Variants in CENPC observed in about 807,000 individuals in gnomAD.
CENPC encodes centromere protein C, also known as CENP-C 1.
A neutral mutation model predicts 112.1 loss-of-function variants in CENPC; 63 were observed. The observed-to-expected ratio is 0.56, with a 90% CI of 0.46 to 0.69. The LOEUF (loss-of-function observed/expected upper bound fraction) is 0.69. Among genes scored for constraint, CENPC ranks in the 30% least tolerant of loss-of-function variants. The probability of loss-of-function intolerance (pLI) is 0.00; values close to 1 mark genes in which losing one functional copy is unlikely to be tolerated. For missense variants in CENPC, 1,000 were observed against 1,103.8 expected (o/e 0.91, Z 1.33); for synonymous variants, 333 against 367.6 (o/e 0.91, Z 1.08).
intron 7 of CENPC, among the ~76,000 whole-genome samples, chr4:67,517,891 TCA>T (rs901406350): frequency 2.0e-5 from 3 of 152,124 alleles, no homozygotes; most frequent in Non-Finnish European, 4.4e-5. Flanking sequence ...GTCTTTGATA[TCA>T]CACAGACAAA....
At chr4:67,503,069 C>A (rs1725635874) in intron 12 of CENPC, among the ~76,000 whole-genome samples, 1 of 152,136 alleles carries the variant, frequency 6.6e-6, no homozygotes, top group Non-Finnish European at 1.5e-5. Context: ...TAATACAGGT[C>A]AAGTCATGTC....
At chr4:67,520,803 G>A (rs901824431) in intron 5 of CENPC, among the ~76,000 whole-genome samples, 14 of 152,128 alleles carry the variant, frequency 9.2e-5, no homozygotes, top group African/African-American at 3.1e-4. Flanking sequence ...CTGGAGGCCA[G>A]GAGTTCAAGA....
At chr4:67,509,243 C>T in intron 9 of CENPC, 138 bp from the exon 10 acceptor site, 1 of 564,732 alleles carries the variant, frequency 1.8e-6, no homozygotes, top group Non-Finnish European at 3.1e-6. Flanking sequence ...CACACACACA[C>T]ACACACACAC....
chr4:67,508,493 C>G (rs1038190071), intron 10 of CENPC, among the ~76,000 whole-genome samples: 3 of 94,334 alleles, frequency 3.2e-5, no homozygotes, highest in African/African-American at 1.3e-4. Context: ...GCCTGGGAAA[C>G]AGAGGAAGAC....
rs940529980 is a variant in CENPC, at chr4:67,518,384, G to A, written c.618-16C>T. ...AAAGTTTAACCTAAAAGGTTAAAAG[G>A]AGGGTAAGCTGAATGCTCCCGTAAC... On this transcript the variant is annotated splice_polypyrimidine_tract_variant and intron_variant, in intron 6 of 18. Coordinates refer to ENST00000273853, the MANE Select transcript of CENPC (RefSeq NM_001812.4). 9 of 1,507,908 alleles carry A rather than the reference G, an allele frequency of 6.0e-6. No homozygotes were observed. The highest frequency in any genetic ancestry group is 7.9e-6 in the Non-Finnish European group (9 of 1,133,546). The allele number at this position is 1,507,908 out of a possible 1,614,324, so 93.4% of individuals were successfully genotyped here.
At position 67,493,014 on chromosome 4, in the gene CENPC, A is replaced by G. The variant is rs1245665710; in HGVS notation, c.2291-17T>C. 2.0e-6 allele frequency: 3 copies of G among 1,506,164 alleles called. No individual in the cohort carries two copies. Among genetic ancestry groups the G allele is most frequent in the Non-Finnish European group, 2.6e-6 (3 of 1,132,092 alleles). The allele number at this position is 1,506,164 out of a possible 1,614,324, so 93.3% of individuals were successfully genotyped here. A position where few individuals can be genotyped will look rare whatever the true frequency, so the allele number is the denominator to read the frequency against. On this transcript the variant is annotated splice_polypyrimidine_tract_variant and intron_variant, in intron 14 of 18. Transcript: ENST00000273853. ...CGAATCCTCCTGAAATTTAACAAAA[A>G]AAGTAAAATATACATGGGAAAGACA...
chr4:67,534,654 C>T (rs974394063), intron 4 of CENPC, among the ~76,000 whole-genome samples: 2 of 152,190 alleles, frequency 1.3e-5, no homozygotes, highest in Admixed American at 6.5e-5. Flanking sequence ...GGAAAGATTT[C>T]TTTGTCAGAA....
intron 2 of CENPC, among the ~76,000 whole-genome samples, chr4:67,543,571 C>T (rs1726947182): frequency 6.6e-6 from 1 of 152,112 alleles, no homozygotes. Context: ...TACATTTTCC[C>T]AACAGAAATC....
intron 14 of CENPC, 115 bp from the exon 15 acceptor site, chr4:67,493,112 C>CA: frequency 1.3e-6 from 1 of 781,578 alleles, no homozygotes. Flanking sequence ...TATATGTCTG[C>CA]AGCTAATAGT....
chr4:67,532,941 T>A (rs568497653), intron 4 of CENPC, among the ~76,000 whole-genome samples: 41 of 152,292 alleles, frequency 2.7e-4, no homozygotes, highest in Admixed American at 2.6e-4. Flanking sequence ...CAGTCATGAG[T>A]TCAACTATAT....
At position 67,474,088 on chromosome 4, in the gene CENPC, C is replaced by T. The variant is rs1258285949; in HGVS notation, c.2761+800G>A. On this transcript the variant is annotated intron_variant, in intron 18 of 18. Coordinates refer to ENST00000273853, the MANE Select transcript of CENPC (RefSeq NM_001812.4). ...ATAAATGTATTTTTTTTTTTGAGAC[C>T]GAGTCTCACTCTGTCCCCTAGGCTG... Among the ~76,000 whole-genome samples, 4 of 150,010 alleles carry T rather than the reference C, an allele frequency of 2.7e-5. No homozygotes were observed. The East Asian group carries it at 5.9e-4, about 22-fold the overall frequency.
At chr4:67,508,379 G>A (rs559229273) in intron 10 of CENPC, among the ~76,000 whole-genome samples, 29 of 151,768 alleles carry the variant, frequency 1.9e-4, no homozygotes, top group African/African-American at 6.5e-4. Context: ...CAGGTGTGGT[G>A]GTCCACACCT....
intron 12 of CENPC, among the ~76,000 whole-genome samples, chr4:67,497,529 T>C (rs968457630): frequency 6.6e-6 from 1 of 152,174 alleles, no homozygotes; most frequent in African/African-American, 2.4e-5. Context: ...TTATTTCTTT[T>C]GCTGTTTTGT....
intron 2 of CENPC, among the ~76,000 whole-genome samples, chr4:67,541,625 G>T (rs1296908003): frequency 6.6e-6 from 1 of 152,048 alleles, no homozygotes; most frequent in Non-Finnish European, 1.5e-5. Flanking sequence ...ATCACAATCA[G>T]GATACTGATA....
chr4:67,491,478 TATAGAGAGAGAGAGAGAGAG>T (rs1221529887), intron 16 of CENPC, among the ~76,000 whole-genome samples: 2 of 24,984 alleles, frequency 8.0e-5, no homozygotes, highest in African/African-American at 1.2e-4. Flanking sequence ...TATATATATA[TATAGAGAGAGAGAGAGAGAG>T]AGAGAGAGAG....
chr4:67,484,742 T>C (rs974934568), intron 17 of CENPC, among the ~76,000 whole-genome samples: 1 of 152,204 alleles, frequency 6.6e-6, no homozygotes, highest in Non-Finnish European at 1.5e-5. Flanking sequence ...TTTTCCTTAT[T>C]ACTTACTGGC....
At chr4:67,478,849 C>A (rs1724878620) in intron 17 of CENPC, among the ~76,000 whole-genome samples, 1 of 152,160 alleles carries the variant, frequency 6.6e-6, no homozygotes, top group South Asian at 2.1e-4. Flanking sequence ...TAAGGATTCA[C>A]ATAAGCTTAG....
At position 67,514,397 on chromosome 4, in the gene CENPC, T is replaced by C. The variant is rs768758648; in HGVS notation, c.1121A>G (p.Gln374Arg). Residue 374 changes from glutamine (Q) to arginine (R), a missense_variant, in exon 8 of 19, where the codon CAG (glutamine) becomes CGG (arginine). Coordinates refer to ENST00000273853, the MANE Select transcript of CENPC (RefSeq NM_001812.4). The part of the protein sequence containing the change: ...SHKPHPVETS[Q>R]PSDKTVLDTS... ...ATCCAGTACTGTTTTATCAGAGGGC[T>C]GAGATGTCTCTACTGGGTGAGGTTT... 4.3e-6 allele frequency: 7 copies of C among 1,612,544 alleles called. No homozygotes were observed. In the Admixed American group the frequency reaches 1.2e-4, roughly 27 times the overall value.
intron 12 of CENPC, among the ~76,000 whole-genome samples, chr4:67,500,418 G>A (rs1480139451): frequency 6.6e-6 from 1 of 152,060 alleles, no homozygotes; most frequent in African/African-American, 2.4e-5. Flanking sequence ...AGAAGCAATG[G>A]TATCCCAAAC....
Sources: allele counts gnomAD v4.1 joint callset (sites outside exome capture counted in the v4.1 genomes callset), GRCh38; gene constraint gnomAD v4.1.1; transcripts MANE v1.5; gene names NCBI Gene and HGNC (gene_info 2026-07-23, HGNC 2026-07-21).